Variants in AKT3 observed in about 807,000 individuals in gnomAD.
AKT3 encodes the protein AKT serine/threonine kinase 3.
In AKT3, 15 loss-of-function variants were observed where a neutral mutation model predicts 65.3. The ratio of observed to expected loss-of-function variants is 0.23; its 90% confidence interval spans 0.15 to 0.35. The LOEUF (loss-of-function observed/expected upper bound fraction) is 0.35, where lower values mean the gene tolerates loss of function less well. Ranked by LOEUF, AKT3 falls within the 10% of genes least tolerant of loss-of-function variation. The pLI is 1.00. For synonymous variants in AKT3, 206 were observed against 183.8 expected, an observed-to-expected ratio of 1.12 and a Z score of -0.98; for missense variants, 243 against 576.5, an observed-to-expected ratio of 0.42 and a Z score of 5.92.
chr1:243,805,900 AG>A (rs1692694026), intron 2 of AKT3, among the ~76,000 whole-genome samples: 1 of 152,204 alleles, frequency 6.6e-6, no homozygotes, highest in South Asian at 2.1e-4. Context: ...CTCCAATATA[AG>A]GCAAAATTAC....
At chr1:243,689,789 C>T (rs1353480056) in intron 3 of AKT3, among the ~76,000 whole-genome samples, 3 of 151,866 alleles carry the variant, frequency 2.0e-5, no homozygotes, top group Non-Finnish European at 4.4e-5. Flanking sequence ...CCTGTCTCTA[C>T]AAAAAACTGG....
chr1:243,636,044 G>C (rs759673419), intron 6 of AKT3, among the ~76,000 whole-genome samples: 35 of 152,038 alleles, frequency 2.3e-4, no homozygotes, highest in Admixed American at 8.5e-4. Flanking sequence ...AGATAAGACA[G>C]TGTCTAATAG....
chr1:243,595,736 C>T (rs972812579), intron 8 of AKT3, among the ~76,000 whole-genome samples: 12 of 152,146 alleles, frequency 7.9e-5, no homozygotes, highest in African/African-American at 2.4e-4. Flanking sequence ...TAAGGTCTTT[C>T]GGAGCAGGCA....
intron 4 of AKT3, among the ~76,000 whole-genome samples, chr1:243,657,036 G>T (rs994138520): frequency 1.3e-5 from 2 of 152,134 alleles, no homozygotes; most frequent in African/African-American, 4.8e-5. Flanking sequence ...AATTGTTATT[G>T]TCTGCAGATA....
chr1:243,759,496 C>T (rs1442687275), intron 2 of AKT3, among the ~76,000 whole-genome samples: 4 of 151,502 alleles, frequency 2.6e-5, no homozygotes, highest in Non-Finnish European at 5.9e-5. Flanking sequence ...ATATTTTATG[C>T]TATACCTTCC....
chr1:243,665,848 G>A (rs1682730106), intron 3 of AKT3, among the ~76,000 whole-genome samples: 1 of 152,136 alleles, frequency 6.6e-6, no homozygotes, highest in Non-Finnish European at 1.5e-5. Flanking sequence ...GTTGTCTGCT[G>A]ACTCTGCTCT....
intron 2 of AKT3, among the ~76,000 whole-genome samples, chr1:243,714,761 T>C (rs1008703197): frequency 6.6e-6 from 1 of 152,200 alleles, no homozygotes; most frequent in African/African-American, 2.4e-5. Flanking sequence ...TTCAAAATTC[T>C]ATAAAAATCT....
intron 8 of AKT3, among the ~76,000 whole-genome samples, chr1:243,589,498 C>CT (rs1019886838): frequency 2.6e-5 from 4 of 151,952 alleles, no homozygotes; most frequent in African/African-American, 9.7e-5. Context: ...TACCACACAC[C>CT]TGTTAGGATG....
intron 8 of AKT3, among the ~76,000 whole-genome samples, chr1:243,609,516 A>G (rs1191274143): frequency 6.6e-6 from 1 of 152,016 alleles, no homozygotes; most frequent in Non-Finnish European, 1.5e-5. Context: ...AAATTAGCCA[A>G]GTGTGGTGGT....
intron 12 of AKT3, among the ~76,000 whole-genome samples, chr1:243,523,057 T>C (rs1046696647): frequency 7.2e-5 from 11 of 151,884 alleles, no homozygotes; most frequent in African/African-American, 2.4e-4. Context: ...GAGGAAGAGG[T>C]AGAAGGTCAA....
chr1:243,545,020 A>C (rs991221312), intron 12 of AKT3, among the ~76,000 whole-genome samples: 1 of 152,062 alleles, frequency 6.6e-6, no homozygotes, highest in Non-Finnish European at 1.5e-5. Flanking sequence ...TTTTGTGGGC[A>C]ATAAAGTTCT....
chr1:243,745,552 G>C (rs970216606), intron 2 of AKT3, among the ~76,000 whole-genome samples: 53 of 152,170 alleles, frequency 3.5e-4, no homozygotes, highest in African/African-American at 1.3e-3. Flanking sequence ...TCAGTACTCA[G>C]CTCTCTGGAA....
rs1228664980 is a variant in AKT3, at chr1:243,500,471, TTTAC to T, written c.*4774_*4777del. 1.3e-5 allele frequency: 3 copies of T among 226,074 alleles called. No homozygotes were observed. The highest frequency in any genetic ancestry group is 5.7e-5 in the Admixed American group (1 of 17,524). The allele number at this position is 226,074 out of a possible 1,614,324, so 14.0% of individuals were successfully genotyped here. A position where few individuals can be genotyped will look rare whatever the true frequency, so the allele number is the denominator to read the frequency against. ...AAACGTACTTAGTGAAATTAGAAAA[TTTAC>T]TTAGAGTATATCAAATATCTGTACA... On this transcript the variant is annotated 3_prime_UTR_variant, in exon 14 of 14. Transcript: ENST00000673466.
chr1:243,784,123 G>C (rs978241668), intron 2 of AKT3, among the ~76,000 whole-genome samples: 1 of 152,134 alleles, frequency 6.6e-6, no homozygotes, highest in African/African-American at 2.4e-5. Flanking sequence ...ACAGAGATGA[G>C]GGAGGGAGAA....
At chr1:243,546,849 A>G (rs1672707440) in intron 11 of AKT3, 1 of 152,236 alleles carries the variant, frequency 6.6e-6, no homozygotes, top group African/African-American at 2.4e-5. Flanking sequence ...CGCCAAAGCC[A>G]CTAATGGATG....
intron 12 of AKT3, among the ~76,000 whole-genome samples, chr1:243,528,792 T>C (rs1003572732): frequency 4.6e-5 from 7 of 152,212 alleles, no homozygotes; most frequent in African/African-American, 1.4e-4. Flanking sequence ...TATGTGTGCA[T>C]GTGTCTTTAT....
chr1:243,596,659 GTT>G (rs985607016), intron 8 of AKT3, among the ~76,000 whole-genome samples: 1 of 152,090 alleles, frequency 6.6e-6, no homozygotes, highest in African/African-American at 2.4e-5. Flanking sequence ...TGACACAACA[GTT>G]TTAAATTTTT....
intron 4 of AKT3, among the ~76,000 whole-genome samples, chr1:243,661,525 C>A (rs1682330967): frequency 6.7e-6 from 1 of 150,164 alleles, no homozygotes; most frequent in East Asian, 2.0e-4. Flanking sequence ...AAACTGGATC[C>A]CTTCCTTACA....
chr1:243,666,967 T>C (rs931367508), intron 3 of AKT3, among the ~76,000 whole-genome samples: 3 of 152,152 alleles, frequency 2.0e-5, no homozygotes, highest in African/African-American at 4.8e-5. Flanking sequence ...ACTGTGCATG[T>C]TGTGATCACG....
Sources: allele counts gnomAD v4.1 joint callset (sites outside exome capture counted in the v4.1 genomes callset), GRCh38; gene constraint gnomAD v4.1.1; transcripts MANE v1.5; gene names NCBI Gene and HGNC (gene_info 2026-07-23, HGNC 2026-07-21).